Variants in NXPH1 observed in about 807,000 individuals in gnomAD.
NXPH1 encodes neurexophilin-1.
In NXPH1, 5 loss-of-function variants were observed where a neutral mutation model predicts 23.7. The ratio of observed to expected loss-of-function variants is 0.21; its 90% CI spans 0.11 to 0.44. The LOEUF is 0.44. Ranked by LOEUF, NXPH1 falls within the 20% of genes least tolerant of loss-of-function variation. The pLI, the probability that NXPH1 is intolerant of heterozygous loss-of-function variation, is 0.99. For missense variants in NXPH1, 324 were observed against 321.6 expected (o/e 1.01, Z -0.06); for synonymous variants, 144 against 122.2 (o/e 1.18, Z -1.18).
intron 2 of NXPH1, among the ~76,000 whole-genome samples, chr7:8,491,622 T>C (rs533025590): frequency 6.6e-6 from 1 of 152,006 alleles, no homozygotes; most frequent in Non-Finnish European, 1.5e-5. Flanking sequence ...GTATTCATAA[T>C]GTGGAAAGCT....
rs1349903099 is a variant in NXPH1, at chr7:8,434,711, C to G, written c.-155C>G. 6.5e-6 allele frequency: 1 copy of G among 152,754 alleles called. No individual in the cohort carries two copies. The highest frequency in any genetic ancestry group is 6.5e-5 in the Admixed American group (1 of 15,288). The allele number at this position is 152,754 out of a possible 1,614,324, so 9.5% of individuals were successfully genotyped here. A position where few individuals can be genotyped will look rare whatever the true frequency, so the allele number is the denominator to read the frequency against. ...CCGAGTAGCTTCTCCATGGAGCCTG[C>G]CCAGAGCGGTCCCTTCTCGCAGGAT... On this transcript the variant is annotated 5_prime_UTR_variant, in exon 1 of 3. Transcript: ENST00000405863. This position sits in a 1 kb window ranked among gnomAD's most constrained non-coding sequence, Gnocchi z 7.6.
chr7:8,619,827 T>C (rs1819826988), intron 2 of NXPH1, among the ~76,000 whole-genome samples: 1 of 152,176 alleles, frequency 6.6e-6, no homozygotes, highest in Non-Finnish European at 1.5e-5. Context: ...TGAGGTGTGC[T>C]AGGAAGGCAT....
chr7:8,585,728 A>G (rs562632107), intron 2 of NXPH1, among the ~76,000 whole-genome samples: 10 of 152,358 alleles, frequency 6.6e-5, no homozygotes, highest in African/African-American at 2.2e-4. Flanking sequence ...ACATATGTTG[A>G]AACATTTGCA....
At chr7:8,537,071 C>G (rs565806825) in intron 2 of NXPH1, among the ~76,000 whole-genome samples, 1 of 152,000 alleles carries the variant, frequency 6.6e-6, no homozygotes, top group Non-Finnish European at 1.5e-5. Context: ...ATTTTTAAAC[C>G]TTTTCTCTCT....
At chr7:8,557,917 G>T (rs900716492) in intron 2 of NXPH1, among the ~76,000 whole-genome samples, 1 of 151,580 alleles carries the variant, frequency 6.6e-6, no homozygotes, top group Admixed American at 6.6e-5. Flanking sequence ...TTTCTGATCA[G>T]TTCCTCCCAG....
chr7:8,664,874 A>C (rs1296960257), intron 2 of NXPH1, among the ~76,000 whole-genome samples: 1 of 151,344 alleles, frequency 6.6e-6, no homozygotes. Flanking sequence ...TTTTAATTAG[A>C]TTTTTTTTGC....
chr7:8,514,309 T>C (rs1817656269), intron 2 of NXPH1, among the ~76,000 whole-genome samples: 1 of 152,158 alleles, frequency 6.6e-6, no homozygotes, highest in Admixed American at 6.6e-5. Context: ...CTCTCCGACA[T>C]TTTTAAAGCC....
At chr7:8,619,561 T>C (rs1315863461) in intron 2 of NXPH1, among the ~76,000 whole-genome samples, 1 of 152,182 alleles carries the variant, frequency 6.6e-6, no homozygotes, top group African/African-American at 2.4e-5. Flanking sequence ...CATGTGTCTG[T>C]ACTGTCAGTT....
chr7:8,472,811 C>A (rs909875937), intron 2 of NXPH1, among the ~76,000 whole-genome samples: 6 of 152,164 alleles, frequency 3.9e-5, no homozygotes, highest in Non-Finnish European at 8.8e-5. Context: ...AAGGCAGAAG[C>A]CTCAAACAGA....
intron 2 of NXPH1, among the ~76,000 whole-genome samples, chr7:8,560,911 G>C (rs1818432858): frequency 6.6e-6 from 1 of 151,506 alleles, no homozygotes; most frequent in Non-Finnish European, 1.5e-5. Context: ...AACACATCTG[G>C]CTGCAGGTTA....
chr7:8,661,715 G>T (rs1254905138), intron 2 of NXPH1, among the ~76,000 whole-genome samples: 1 of 152,118 alleles, frequency 6.6e-6, no homozygotes, highest in Non-Finnish European at 1.5e-5. Context: ...TCCCAAATCT[G>T]TAGAAATAAC....
intron 2 of NXPH1, among the ~76,000 whole-genome samples, chr7:8,457,975 C>A (rs1816629117): frequency 6.6e-6 from 1 of 152,052 alleles, no homozygotes; most frequent in South Asian, 2.1e-4. Flanking sequence ...GGCAGGTTCC[C>A]AAAGCAATTC....
At chr7:8,449,766 C>CT (rs1192656546) in intron 2 of NXPH1, among the ~76,000 whole-genome samples, 1 of 150,828 alleles carries the variant, frequency 6.6e-6, no homozygotes, top group African/African-American at 2.5e-5. Flanking sequence ...ATTAAGAGTT[C>CT]TTTTTTTCTC....
chr7:8,633,771 G>C (rs995554651), intron 2 of NXPH1, among the ~76,000 whole-genome samples: 1 of 152,202 alleles, frequency 6.6e-6, no homozygotes, highest in African/African-American at 2.4e-5. Flanking sequence ...ATGCATGTTT[G>C]ACAGTCTCTC....
intron 2 of NXPH1, among the ~76,000 whole-genome samples, chr7:8,742,170 G>C (rs1780378663): frequency 6.6e-6 from 1 of 152,116 alleles, no homozygotes; most frequent in African/African-American, 2.4e-5. Context: ...CTATATCCAT[G>C]TAAGTCTATG....
At chr7:8,487,740 A>C (rs887847148) in intron 2 of NXPH1, among the ~76,000 whole-genome samples, 5 of 152,120 alleles carry the variant, frequency 3.3e-5, no homozygotes, top group Non-Finnish European at 7.4e-5. Context: ...AAATTTTGGA[A>C]TTTGTTTAAC....
intron 2 of NXPH1, among the ~76,000 whole-genome samples, chr7:8,595,003 C>T (rs965379436): frequency 1.3e-5 from 2 of 151,878 alleles, no homozygotes; most frequent in African/African-American, 2.4e-5. Flanking sequence ...ACAAAGCTAC[C>T]GAGGTTCACA....
chr7:8,579,777 G>C (rs1303669049), intron 2 of NXPH1, among the ~76,000 whole-genome samples: 1 of 152,162 alleles, frequency 6.6e-6, no homozygotes, highest in Non-Finnish European at 1.5e-5. Context: ...AGCATCTTTG[G>C]CAGTGTTGCA....
intron 2 of NXPH1, among the ~76,000 whole-genome samples, chr7:8,482,960 C>G (rs1030716421): frequency 6.6e-6 from 1 of 152,166 alleles, no homozygotes; most frequent in Non-Finnish European, 1.5e-5. Context: ...AATATCTTCT[C>G]TAAATACATT....
Sources: gnomAD v4.1 joint callset for allele counts (sites outside exome capture counted in the v4.1 genomes callset) on GRCh38, gnomAD v4.1.1 for gene constraint, Gnocchi (gnomAD v3.1) non-coding constraint, MANE v1.5 for transcripts, NCBI Gene and HGNC (gene_info 2026-07-23, HGNC 2026-07-21) for gene names.